TMEM170B: variants seen among roughly 807,000 people sequenced by gnomAD.
TMEM170B encodes the protein transmembrane protein 170B.
A neutral mutation model predicts 13.0 loss-of-function variants in TMEM170B; 6 were observed. The observed-to-expected ratio is 0.46, with a 90% CI of 0.25 to 0.91. TMEM170B has a LOEUF of 0.91. Ranked by LOEUF, TMEM170B falls within the 40% of genes least tolerant of loss-of-function variation. The pLI, the probability that TMEM170B is intolerant of heterozygous loss-of-function variation, is 0.17. For synonymous variants in TMEM170B, 61 were observed against 64.9 expected (o/e 0.94, Z 0.29); for missense variants, 138 against 165.2 (o/e 0.84, Z 0.90).
intron 1 of TMEM170B, among the ~76,000 whole-genome samples, chr6:11,540,112 GGTCTT>G (rs1309514104): frequency 2.6e-5 from 4 of 152,174 alleles, no homozygotes; most frequent in African/African-American, 9.7e-5. Context: ...TCTGGTAGAG[GGTCTT>G]GTCTTTGTGT....
chr6:11,547,994 C>G (rs1759463005), intron 1 of TMEM170B, among the ~76,000 whole-genome samples: 1 of 152,000 alleles, frequency 6.6e-6, no homozygotes, highest in Admixed American at 6.6e-5. Flanking sequence ...GAAAAGAAAC[C>G]TAAACAGAAG....
At position 11,575,693 on chromosome 6, in the gene TMEM170B, T is replaced by A; in HGVS notation, c.*132T>A. ...AGCAGGTCAAAGCATAAGGAAGACC[T>A]TGAGCTGTGTGGAAGGATTGCCCTC... is the stretch of plus-strand genomic sequence containing the variant. On this transcript the variant is annotated 3_prime_UTR_variant, in exon 3 of 3. Coordinates refer to ENST00000379426, the MANE Select transcript of TMEM170B (RefSeq NM_001100829.3). The surrounding 1 kb of genome is among the most constrained non-coding windows in gnomAD (Gnocchi z 4.1). 9.0e-7 allele frequency: 1 copy of A among 1,114,504 alleles called. No individual in the cohort carries two copies. Among genetic ancestry groups the A allele is most frequent in the Non-Finnish European group, 1.3e-6 (1 of 775,802 alleles). 69.0% of individuals were successfully genotyped at this position (1,114,504 alleles called of 1,614,324 possible).
At chr6:11,538,604 G>A (rs551903181) in intron 1 of TMEM170B, among the ~76,000 whole-genome samples, 1 of 152,230 alleles carries the variant, frequency 6.6e-6, no homozygotes, top group East Asian at 1.9e-4. Flanking sequence ...AGCGACCCCC[G>A]CTCCTGCCCC....
chr6:11,557,150 T>C (rs1399439978), intron 1 of TMEM170B, among the ~76,000 whole-genome samples: 2 of 152,252 alleles, frequency 1.3e-5, no homozygotes, highest in African/African-American at 2.4e-5. Flanking sequence ...CCTGCTCTTG[T>C]GCTTTACCAG....
intron 1 of TMEM170B, among the ~76,000 whole-genome samples, chr6:11,556,328 C>CT (rs1170633522): frequency 6.6e-6 from 1 of 152,194 alleles, no homozygotes; most frequent in East Asian, 1.9e-4. Context: ...GCTTCACATT[C>CT]TGTAAGGTTG....
rs1171642037 is a variant in TMEM170B at position 11,578,879 on chromosome 6, T to G, written c.*3318T>G. On this transcript the variant is annotated 3_prime_UTR_variant, in exon 3 of 3. Transcript: ENST00000379426. ...TTGTGGGAAAGGTCTTTAAAGAACC[T>G]CTAATGAAGAAAATGTGGCTGCCAC... 1 of 152,174 alleles carries G rather than the reference T, an allele frequency of 6.6e-6. No individual in the cohort carries two copies. The highest frequency in any genetic ancestry group is 1.9e-4 in the East Asian group (1 of 5,202). 9.4% of individuals were successfully genotyped at this position (152,174 alleles called of 1,614,324 possible).
intron 1 of TMEM170B, among the ~76,000 whole-genome samples, chr6:11,546,012 TAA>T (rs35584418): frequency 3.1e-5 from 3 of 95,538 alleles, no homozygotes; most frequent in African/African-American, 3.9e-5. Flanking sequence ...ACTCCGTCTT[TAA>T]AAAAAAAAAA....
At chr6:11,561,168 T>C (rs1759659476) in intron 1 of TMEM170B, among the ~76,000 whole-genome samples, 1 of 152,212 alleles carries the variant, frequency 6.6e-6, no homozygotes, top group Non-Finnish European at 1.5e-5. Context: ...CAGAGAATTA[T>C]GGTGATTATA....
rs1759922173 is a variant in TMEM170B at position 11,579,415 on chromosome 6, C to T, written c.*3854C>T. 6.6e-6 allele frequency: 1 copy of T among 152,184 alleles called. No individual in the cohort carries two copies. Among genetic ancestry groups the T allele is most frequent in the Non-Finnish European group, 1.5e-5 (1 of 68,024 alleles). 9.4% of individuals were successfully genotyped at this position (152,184 alleles called of 1,614,324 possible). On this transcript the variant is annotated 3_prime_UTR_variant, in exon 3 of 3. Coordinates refer to ENST00000379426, the MANE Select transcript of TMEM170B (RefSeq NM_001100829.3). ...GAATGGCAAAGCAGTATGTATTTCA[C>T]AGTAAATGATCAACTGATAGTCTCT... is the stretch of plus-strand genomic sequence containing the variant.
rs1362344180 is a variant in TMEM170B, at chr6:11,579,270, C to T, written c.*3709C>T. On this transcript the variant is annotated 3_prime_UTR_variant, in exon 3 of 3. Transcript: ENST00000379426. Reference sequence around the variant, plus strand: ...AACACAGATTGAATTAAGACTCTGTCACTTGTCAACTTTTTGACCTTGAGC... The same window carrying T: ...AACACAGATTGAATTAAGACTCTGTTACTTGTCAACTTTTTGACCTTGAGC... 6.6e-6 allele frequency: 1 copy of T among 152,190 alleles called. No individual in the cohort carries two copies. The highest frequency in any genetic ancestry group is 1.9e-4 in the East Asian group (1 of 5,190). The allele number at this position is 152,190 out of a possible 1,614,324, so 9.4% of individuals were successfully genotyped here. A position where few individuals can be genotyped will look rare whatever the true frequency, so the allele number is the denominator to read the frequency against.
At chr6:11,545,677 G>C (rs1485621079) in intron 1 of TMEM170B, among the ~76,000 whole-genome samples, 1 of 151,750 alleles carries the variant, frequency 6.6e-6, no homozygotes, top group Non-Finnish European at 1.5e-5. Flanking sequence ...TGTGTTACTG[G>C]CTTATGTATT....
intron 1 of TMEM170B, among the ~76,000 whole-genome samples, chr6:11,559,852 A>G (rs1457435379): frequency 6.6e-6 from 1 of 151,910 alleles, no homozygotes; most frequent in Non-Finnish European, 1.5e-5. Context: ...TATAAAATAT[A>G]TAAATGGTAT....
intron 1 of TMEM170B, among the ~76,000 whole-genome samples, chr6:11,561,846 G>A (rs1759669373): frequency 6.6e-6 from 1 of 152,068 alleles, no homozygotes; most frequent in South Asian, 2.1e-4. Flanking sequence ...TGATTATTTT[G>A]ATACCTTTGG....
chr6:11,556,405 A>C (rs1759587482), intron 1 of TMEM170B, among the ~76,000 whole-genome samples: 1 of 152,140 alleles, frequency 6.6e-6, no homozygotes, highest in African/African-American at 2.4e-5. Flanking sequence ...GCAATGCTCC[A>C]TTGTAGCTTT....
rs1397826847 is a variant in TMEM170B at position 11,576,172 on chromosome 6, A to G, written c.*611A>G. 6.6e-6 allele frequency: 1 copy of G among 152,258 alleles called. No homozygotes were observed. Among genetic ancestry groups the G allele is most frequent in the Non-Finnish European group, 1.5e-5 (1 of 68,084 alleles). The allele number at this position is 152,258 out of a possible 1,614,324, so 9.4% of individuals were successfully genotyped here. ...TATTGTTATTTAATTGATGTGGAAGATAAGTCTTCTTAACTGAAGACTAGC... is the reference window on the plus strand; with the variant it reads ...TATTGTTATTTAATTGATGTGGAAGGTAAGTCTTCTTAACTGAAGACTAGC... On this transcript the variant is annotated 3_prime_UTR_variant, in exon 3 of 3. Transcript: ENST00000379426.
At position 11,538,350 on chromosome 6, in the gene TMEM170B, G is replaced by A; in HGVS notation, c.73G>A (p.Gly25Arg). The part of the protein sequence containing the change: ...VQQVLSLWAH[G>R]TVLRNLTEMW... ...GCAGGTCCTGAGCCTCTGGGCCCACGGGACGGTGCTGAGGAACCTCACGGG... is the reference window on the plus strand; with the variant it reads ...GCAGGTCCTGAGCCTCTGGGCCCACAGGACGGTGCTGAGGAACCTCACGGG... Residue 25 changes from glycine (G) to arginine (R), a missense_variant, in exon 1 of 3, where the codon GGG becomes AGG. By Grantham distance (125) the Gly-to-Arg change is moderately radical. Transcript: ENST00000379426. 6.6e-7 allele frequency: 1 copy of A among 1,508,538 alleles called. No homozygotes were observed. The highest frequency in any genetic ancestry group is 8.8e-7 in the Non-Finnish European group (1 of 1,132,414). The allele number at this position is 1,508,538 out of a possible 1,614,324, so 93.4% of individuals were successfully genotyped here. A position where few individuals can be genotyped will look rare whatever the true frequency, so the allele number is the denominator to read the frequency against.
chr6:11,574,515 G>A (rs745628732), intron 2 of TMEM170B, among the ~76,000 whole-genome samples: 5 of 151,962 alleles, frequency 3.3e-5, no homozygotes, highest in African/African-American at 4.8e-5. Flanking sequence ...ATAACTTCTC[G>A]TCTTTGTCTT....
intron 2 of TMEM170B, among the ~76,000 whole-genome samples, chr6:11,570,835 T>G (rs756575051): frequency 2.0e-5 from 3 of 152,222 alleles, no homozygotes; most frequent in African/African-American, 4.8e-5. Context: ...GATAATTCAG[T>G]ATCAGAAATG....
In TMEM170B at chr6:11,576,909, T is replaced by C. The variant is rs1164479712; in HGVS notation, c.*1348T>C. The C allele has an allele frequency of 2.0e-5, 3 of 152,112 alleles. No homozygotes were observed. Among genetic ancestry groups the C allele is most frequent in the Non-Finnish European group, 2.9e-5 (2 of 67,974 alleles). The allele number at this position is 152,112 out of a possible 1,614,324, so 9.4% of individuals were successfully genotyped here. ...CTTTATATAAAACATTTTAAGAGGT[T>C]CTGGCAATACGTAATTGTAAGAGTA... On this transcript the variant is annotated 3_prime_UTR_variant, in exon 3 of 3. Coordinates refer to ENST00000379426, the MANE Select transcript of TMEM170B (RefSeq NM_001100829.3).
Sources: gnomAD v4.1 joint callset for allele counts (sites outside exome capture counted in the v4.1 genomes callset) on GRCh38, gnomAD v4.1.1 for gene constraint, Gnocchi (gnomAD v3.1) non-coding constraint, MANE v1.5 for transcripts, NCBI Gene and HGNC (gene_info 2026-07-23, HGNC 2026-07-21) for gene names.